NDOR1: variants seen among roughly 807,000 people sequenced by gnomAD.
NDOR1 encodes NADPH dependent diflavin oxidoreductase 1, also known as NADPH-dependent diflavin oxidoreductase 1.
Under a neutral mutation model 67.2 loss-of-function variants are expected in NDOR1, and 61 were observed. The observed-to-expected ratio is 0.91, with a 90% CI of 0.74 to 1.12. NDOR1 has a LOEUF of 1.12. NDOR1 is among the 50% of genes most tolerant of loss of function. The pLI is 0.00. For synonymous variants in NDOR1, 378 were observed against 343.7 expected, an observed-to-expected ratio of 1.10 and a Z score of -1.10; for missense variants, 878 against 802.8, an observed-to-expected ratio of 1.09 and a Z score of -1.13.
chr9:137,208,416 A>T (rs1835084673), intron 2 of NDOR1, among the ~76,000 whole-genome samples: 1 of 152,142 alleles, frequency 6.6e-6, no homozygotes, highest in African/African-American at 2.4e-5. Flanking sequence ...GCGCCACTGC[A>T]CTCCAGCCTG....
intron 8 of NDOR1, 33 bp from the exon 9 acceptor site, chr9:137,215,062 C>A (rs373190915): frequency 1.9e-6 from 3 of 1,612,748 alleles, no homozygotes; most frequent in Non-Finnish European, 2.5e-6. Flanking sequence ...GCTACAGCCA[C>A]GCTGCAGCCA....
At chr9:137,206,018 T>C in intron 1 of NDOR1, 106 bp downstream of exon 1, 1 of 1,487,700 alleles carries the variant, frequency 6.7e-7, no homozygotes, top group South Asian at 1.3e-5. Flanking sequence ...AGAGCGGGTC[T>C]TTCCCTTATG....
chr9:137,208,078 C>T (rs529425421), intron 2 of NDOR1, among the ~76,000 whole-genome samples: 6 of 147,538 alleles, frequency 4.1e-5, no homozygotes, highest in Middle Eastern at 3.6e-3. Flanking sequence ...ACCAGGGAGT[C>T]GGAAGTTGCA....
intron 3 of NDOR1, among the ~76,000 whole-genome samples, chr9:137,213,478 C>T (rs1199890919): frequency 6.6e-6 from 1 of 152,164 alleles, no homozygotes; most frequent in African/African-American, 2.4e-5. Flanking sequence ...AAGTCCCTGC[C>T]CAGGGATGAG....
chr9:137,218,889 G>A lies in NDOR1; in HGVS notation c.*2473G>A, dbSNP rs1835759431. 2 of 363,928 alleles carry A rather than the reference G, an allele frequency of 5.5e-6. No homozygotes were observed. The highest frequency in any genetic ancestry group is 9.8e-6 in the Non-Finnish European group (2 of 204,348). 22.5% of individuals were successfully genotyped at this position (363,928 alleles called of 1,614,324 possible). On this transcript the variant is annotated 3_prime_UTR_variant, in exon 14 of 14. Transcript: ENST00000684003. ...TGGAGGAGGCCAGCCCAGCAGGAAAGTCTGTGAGCAGGACCCCATTCACCC... is the reference window on the plus strand; with the variant it reads ...TGGAGGAGGCCAGCCCAGCAGGAAAATCTGTGAGCAGGACCCCATTCACCC...
Position 137,205,756 on chromosome 9 carries a change from C to G in NDOR1, c.-22C>G, listed in dbSNP as rs1426728904. ...CTGCCTTCTAGTTTTTAGTCTCAGACCAGACCACCGGGCGCACCCCGATGC... is the reference window on the plus strand; with the variant it reads ...CTGCCTTCTAGTTTTTAGTCTCAGAGCAGACCACCGGGCGCACCCCGATGC... On this transcript the variant is annotated 5_prime_UTR_variant, in exon 1 of 14. Transcript: ENST00000684003. 6 of 1,601,534 alleles carry G rather than the reference C, an allele frequency of 3.7e-6. No homozygotes were observed. The African/African-American group carries it at 6.7e-5, about 18-fold the overall frequency.
In NDOR1 at chr9:137,215,726, T is replaced by A. The variant is rs1314206842; in HGVS notation, c.1356T>A (p.Pro452=). 4 of 1,602,478 alleles carry A rather than the reference T, an allele frequency of 2.5e-6. No individual in the cohort carries two copies. Among genetic ancestry groups the A allele is most frequent in the Non-Finnish European group, 3.4e-6 (4 of 1,173,460 alleles). The part of the protein sequence containing the change: ...SLAFPETPDT[P]VIMVGPGTGV... ...CCTTCCCAGAGACACCAGACACACC[T>A]GTGATCATGGTGGGGCCTGGCACTG... The change falls in exon 11 of 14, where the codon CCT becomes CCA. Residue 452 remains proline, a synonymous_variant. Transcript: ENST00000684003.
rs1271095538 is a variant in NDOR1, at chr9:137,212,896, TGAC to T, written c.311+301_311+303del. ...TACAAAAAGGCGTGCTGTGAAGTGT[TGAC>T]GACTTTGAGCCTGGAGGAGGACCCC... On this transcript the variant is annotated intron_variant, in intron 3 of 13. Transcript: ENST00000684003. The surrounding 1 kb of genome is among the most constrained non-coding windows in gnomAD (Gnocchi z 4.3). 1 of 396,620 alleles carries T rather than the reference TGAC, an allele frequency of 2.5e-6. No individual in the cohort carries two copies. The highest frequency in any genetic ancestry group is 4.7e-6 in the Non-Finnish European group (1 of 213,030). 24.6% of individuals were successfully genotyped at this position (396,620 alleles called of 1,614,324 possible). A position where few individuals can be genotyped will look rare whatever the true frequency, so the allele number is the denominator to read the frequency against.
chr9:137,212,490 C>T lies in NDOR1; in HGVS notation c.214-12C>T, dbSNP rs756551754. The T allele has an allele frequency of 4.3e-6, 7 of 1,612,776 alleles. No individual in the cohort carries two copies. The Admixed American group carries it at 5.0e-5, about 12-fold the overall frequency. On this transcript the variant is annotated splice_polypyrimidine_tract_variant and intron_variant, in intron 2 of 13. Transcript: ENST00000684003. This position sits in a 1 kb window ranked among gnomAD's most constrained non-coding sequence, Gnocchi z 4.3. Reference sequence around the variant, plus strand: ...GTCGAGGACTCTGACTCAGAGTTTCCTCCGGCTGTAGAACTTCTGGAGGTT... The same window carrying T: ...GTCGAGGACTCTGACTCAGAGTTTCTTCCGGCTGTAGAACTTCTGGAGGTT...
rs1247991349 is a variant in NDOR1, at chr9:137,208,482, AC to A, written c.213+2174del. ...AAAAAAAAGACAAAAAACAAAACAA[AC>A]AAACAAAAAACCACATCTGGCTGTG... On this transcript the variant is annotated intron_variant, in intron 2 of 13. Coordinates refer to ENST00000684003, the MANE Select transcript of NDOR1 (RefSeq NM_014434.4). Among the ~76,000 whole-genome samples, 1,480 of 151,254 alleles carry A rather than the reference AC, an allele frequency of 9.8e-3. 30 individuals are homozygous for A. Among genetic ancestry groups the A allele is most frequent in the African/African-American group, 0.035 (1,437 of 41,110 alleles).
At position 137,217,646 on chromosome 9, in the gene NDOR1, G is replaced by T. The variant is rs1459438956; in HGVS notation, c.*1230G>T. ...CCCAGAGCAGGCAGGCCTTGCTGGG[G>T]CCCCAGTCAAGTCCACTTCCAGTGA... On this transcript the variant is annotated 3_prime_UTR_variant, in exon 14 of 14. Coordinates refer to ENST00000684003, the MANE Select transcript of NDOR1 (RefSeq NM_014434.4). 2 of 231,324 alleles carry T rather than the reference G, an allele frequency of 8.6e-6. No homozygotes were observed. The highest frequency in any genetic ancestry group is 1.7e-5 in the Non-Finnish European group (2 of 119,986). 14.3% of individuals were successfully genotyped at this position (231,324 alleles called of 1,614,324 possible).
At chr9:137,206,465 C>T (rs546027868) in intron 2 of NDOR1, among the ~76,000 whole-genome samples, 156 bp downstream of exon 2, 30 of 152,280 alleles carry the variant, frequency 2.0e-4, no homozygotes, top group African/African-American at 6.5e-4. Context: ...CTGGGGGCTC[C>T]GGTTGCCCTC....
chr9:137,215,002 G>A lies in NDOR1; in HGVS notation c.1049G>A (p.Arg350His), dbSNP rs369635217. 48 of 1,612,782 alleles carry A rather than the reference G, an allele frequency of 3.0e-5. No individual in the cohort carries two copies. Among genetic ancestry groups the A allele is most frequent in the Middle Eastern group, 3.3e-4 (2 of 6,058 alleles). Reference sequence around the variant, plus strand: ...CTCTTTGAATACTGCAACCGGCCCCGCAGGACCATCCTGGAGGTGAGATGG... The same window carrying A: ...CTCTTTGAATACTGCAACCGGCCCCACAGGACCATCCTGGAGGTGAGATGG... ...EELFEYCNRP[R>H]RTILEVLCDF... The change falls in exon 8 of 14, where the codon CGC becomes CAC. Residue 350 changes from arginine to histidine, a missense_variant. Physicochemically the swap from Arg to His is conservative, Grantham distance 29. Transcript: ENST00000684003.
At position 137,210,529 on chromosome 9, in the gene NDOR1, G is replaced by C. The variant is rs538574505; in HGVS notation, c.214-1973G>C. On this transcript the variant is annotated intron_variant, in intron 2 of 13. Coordinates refer to ENST00000684003, the MANE Select transcript of NDOR1 (RefSeq NM_014434.4). Reference sequence around the variant, plus strand: ...CTGGCCAGAAATAGTTCTTTAAATGGACATGAAAAAACTTTAAAAGATTAG... The same window carrying C: ...CTGGCCAGAAATAGTTCTTTAAATGCACATGAAAAAACTTTAAAAGATTAG... Among the ~76,000 whole-genome samples, 4 of 151,884 alleles carry C rather than the reference G, an allele frequency of 2.6e-5. No homozygotes were observed. In the South Asian group the frequency reaches 8.3e-4, roughly 31 times the overall value.
At chr9:137,214,719 C>T in intron 7 of NDOR1, 28 bp downstream of exon 7, 1 of 1,599,686 alleles carries the variant, frequency 6.3e-7, no homozygotes, top group Non-Finnish European at 8.5e-7. Context: ...CACCCTGACT[C>T]TCTGCCCTCT....
intron 2 of NDOR1, among the ~76,000 whole-genome samples, chr9:137,211,666 C>T (rs1005722672): frequency 1.3e-5 from 2 of 152,138 alleles, no homozygotes; most frequent in Admixed American, 6.5e-5. Context: ...GCTCGCATAG[C>T]GTGGCCCAGA....
intron 2 of NDOR1, among the ~76,000 whole-genome samples, 164 bp downstream of exon 2, chr9:137,206,473 C>T (rs904334254): frequency 8.5e-5 from 13 of 152,186 alleles, no homozygotes; most frequent in African/African-American, 2.9e-4. Context: ...TCCGGTTGCC[C>T]TCTCTAATAA....
chr9:137,211,994 C>T (rs1216300244), intron 2 of NDOR1, among the ~76,000 whole-genome samples: 2 of 152,182 alleles, frequency 1.3e-5, no homozygotes, highest in South Asian at 2.1e-4. Context: ...TGTGTCTCAG[C>T]GACACTGGAA....
At chr9:137,206,185 C>T (rs762584780) in intron 1 of NDOR1, 47 bp from the exon 2 acceptor site, 7 of 1,605,720 alleles carry the variant, frequency 4.4e-6, no homozygotes, top group South Asian at 1.1e-5. Flanking sequence ...GAAGGACGCC[C>T]GGTCCTTACA....
Sources: allele counts gnomAD v4.1 joint callset (sites outside exome capture counted in the v4.1 genomes callset), GRCh38; gene constraint gnomAD v4.1.1; non-coding constraint Gnocchi (gnomAD v3.1); transcripts MANE v1.5; gene names NCBI Gene and HGNC (gene_info 2026-07-23, HGNC 2026-07-21).